The following ASB13 variants were observed in gnomAD, a reference collection of about 807,000 sequenced individuals.
ASB13 encodes ankyrin repeat and SOCS box protein 13.
Under a neutral mutation model 28.8 loss-of-function variants are expected in ASB13, and 33 were observed. The ratio of observed to expected loss-of-function variants is 1.15; its 90% CI spans 0.87 to 1.53. The LOEUF is 1.53. Among genes scored for constraint, ASB13 ranks in the 40% most tolerant of loss-of-function variants. ASB13 has a pLI of 0.00. For missense variants in ASB13, 414 were observed against 390.1 expected, an observed-to-expected ratio of 1.06 and a Z score of -0.52; for synonymous variants, 182 against 172.9, an observed-to-expected ratio of 1.05 and a Z score of -0.41.
Position 5,653,064 on chromosome 10 carries a change from G to A in ASB13, c.44-14C>T. 2.0e-6 allele frequency: 3 copies of A among 1,534,042 alleles called. No individual in the cohort carries two copies. The highest frequency in any genetic ancestry group is 2.6e-6 in the Non-Finnish European group (3 of 1,136,394). On this transcript the variant is annotated splice_polypyrimidine_tract_variant and intron_variant, in intron 1 of 5. Coordinates refer to ENST00000357700, the MANE Select transcript of ASB13 (RefSeq NM_024701.4). ...CCACCCAGAAACCTGGAAAGGAAGG[G>A]GACCTCAGGCTAAGACCCTGCCACT...
intron 4 of ASB13, among the ~76,000 whole-genome samples, chr10:5,646,994 G>A (rs1564216185): frequency 1.3e-5 from 2 of 152,222 alleles, no homozygotes; most frequent in South Asian, 2.1e-4. Flanking sequence ...TACACAAAAC[G>A]AATCTTTTCC....
At position 5,649,211 on chromosome 10, in the gene ASB13, G is replaced by A. The variant is rs1834946488; in HGVS notation, c.383-107C>T. The A allele has an allele frequency of 1.4e-5, 21 of 1,501,012 alleles. No homozygotes were observed. The South Asian group carries it at 2.6e-4, about 18-fold the overall frequency. 93.0% of individuals were successfully genotyped at this position (1,501,012 alleles called of 1,614,324 possible). A position where few individuals can be genotyped will look rare whatever the true frequency, so the allele number is the denominator to read the frequency against. On this transcript the variant is annotated intron_variant, in intron 3 of 5. Transcript: ENST00000357700. This position sits in a 1 kb window ranked among gnomAD's most constrained non-coding sequence, Gnocchi z 6.4. ...CAGCCTCCATCCTTGGTGCAGGGCA[G>A]GGAAGCCAGGCAGGCCTGCGTCCCA...
rs147118970 is a variant in ASB13 at position 5,658,981 on chromosome 10, G to C, written c.44-5931C>G. Among the ~76,000 whole-genome samples, 649 of 152,302 alleles carry C rather than the reference G, an allele frequency of 4.3e-3. 3 individuals are homozygous for C. Among genetic ancestry groups the C allele is most frequent in the African/African-American group, 0.014 (590 of 41,562 alleles). On this transcript the variant is annotated intron_variant, in intron 1 of 5. Coordinates refer to ENST00000357700, the MANE Select transcript of ASB13 (RefSeq NM_024701.4). This position sits in a 1 kb window ranked among gnomAD's most constrained non-coding sequence, Gnocchi z 4.2. ...AGCCCCCAGCACCCACCACCACAGA[G>C]CAATGTGACTCAGCCCTGCAATGGC...
chr10:5,652,026 C>CACACACACACACA lies in ASB13; in HGVS notation c.232-664_232-663insTGTGTGTGTGTGT, dbSNP rs60821267. On this transcript the variant is annotated intron_variant, in intron 2 of 5. Transcript: ENST00000357700. The surrounding 1 kb of genome is among the most constrained non-coding windows in gnomAD (Gnocchi z 5.0). ...CAAAAAAAAAAAAAAAAAAAAAAAACCACACACACACACACACACACACAC... is the reference window on the plus strand; with the variant it reads ...CAAAAAAAAAAAAAAAAAAAAAAAACACACACACACACACACACACACACACACACACACACAC... Among the ~76,000 whole-genome samples the CACACACACACACA allele has an allele frequency of 5.8e-4, 34 of 59,100 alleles. No individual in the cohort carries two copies. The highest frequency in any genetic ancestry group is 2.4e-3 in the African/African-American group (33 of 13,912). The allele number at this position is 59,100 out of a possible 152,430, so 38.8% of individuals were successfully genotyped here. A position where few individuals can be genotyped will look rare whatever the true frequency, so the allele number is the denominator to read the frequency against.
rs1003426885 is a variant in ASB13 at position 5,640,730 on chromosome 10, C to T, written c.810G>A (p.Arg270=). 3 of 1,614,124 alleles carry T rather than the reference C, an allele frequency of 1.9e-6. No individual in the cohort carries two copies. The highest frequency in any genetic ancestry group is 2.5e-6 in the Non-Finnish European group (3 of 1,180,020). ...EKIAKLNIPP[R]LIDYLSYN ...AGTTGTAGGAGAGGTAATCAATGAG[C>T]CGGGGCGGGATGTTTAACTTGGCAA... Residue 270 remains arginine (R), a synonymous_variant, in exon 6 of 6, where the codon CGG becomes CGA. Coordinates refer to ENST00000357700, the MANE Select transcript of ASB13 (RefSeq NM_024701.4).
intron 1 of ASB13, 42 bp from the exon 2 acceptor site, chr10:5,653,092 C>T (rs1389632010): frequency 1.5e-5 from 23 of 1,494,478 alleles, no homozygotes; most frequent in Non-Finnish European, 2.0e-5. Context: ...CTGCCACTTC[C>T]ATCCAGGACA....
rs1196682239 is a variant in ASB13 at position 5,650,198 on chromosome 10, C to A, written c.382+1015G>T. ...GAAACCATCCCACTCCACCAGCCTA[C>A]TCTGAGCACTGGGCACCTTGATCTC... On this transcript the variant is annotated intron_variant, in intron 3 of 5. Coordinates refer to ENST00000357700, the MANE Select transcript of ASB13 (RefSeq NM_024701.4). This position sits in a 1 kb window ranked among gnomAD's most constrained non-coding sequence, Gnocchi z 6.0. 6.6e-6 allele frequency among the ~76,000 whole-genome samples: 1 copy of A among 152,208 alleles called. No individual in the cohort carries two copies.
chr10:5,653,716 C>T (rs1203516610), intron 1 of ASB13, among the ~76,000 whole-genome samples: 5 of 152,102 alleles, frequency 3.3e-5, no homozygotes, highest in African/African-American at 1.2e-4. Context: ...GAGTCTCGCT[C>T]TGTCACCCAG....
At position 5,658,307 on chromosome 10, in the gene ASB13, T is replaced by C. The variant is rs1490715189; in HGVS notation, c.44-5257A>G. Among the ~76,000 whole-genome samples, 2 of 152,016 alleles carry C rather than the reference T, an allele frequency of 1.3e-5. No homozygotes were observed. The highest frequency in any genetic ancestry group is 4.8e-5 in the African/African-American group (2 of 41,364). ...TTAGCTGGGCATGGTGGCCCATGCC[T>C]ATAATCCCAGCTACTATGGAGGCTA... On this transcript the variant is annotated intron_variant, in intron 1 of 5. Coordinates refer to ENST00000357700, the MANE Select transcript of ASB13 (RefSeq NM_024701.4). This position sits in a 1 kb window ranked among gnomAD's most constrained non-coding sequence, Gnocchi z 4.2.
chr10:5,649,002 TG>T lies in ASB13; in HGVS notation c.484del (p.His162IlefsTer15). The T allele has an allele frequency of 1.2e-6, 2 of 1,614,178 alleles. No individual in the cohort carries two copies. Among genetic ancestry groups the T allele is most frequent in the Non-Finnish European group, 1.7e-6 (2 of 1,180,040 alleles). ...GAGCAGCACTTTGACACAGTCCAGATGCTCCCGGGCACAGGCAACGTGCAGA... is the reference window on the plus strand; with the variant it reads ...GAGCAGCACTTTGACACAGTCCAGATCTCCCGGGCACAGGCAACGTGCAGA... ...TPLHVACARE[H>X]LDCVKVLLNA... is the part of the protein sequence containing the mutation. On this transcript the variant is annotated frameshift_variant, in exon 4 of 6. Coordinates refer to ENST00000357700, the MANE Select transcript of ASB13 (RefSeq NM_024701.4). LOFTEE classifies it high-confidence loss of function. The surrounding 1 kb of genome is among the most constrained non-coding windows in gnomAD (Gnocchi z 6.4).
chr10:5,641,015 C>T lies in ASB13; in HGVS notation c.710-185G>A, dbSNP rs531005815. 2.0e-5 allele frequency among the ~76,000 whole-genome samples: 3 copies of T among 152,224 alleles called. No individual in the cohort carries two copies. The highest frequency in any genetic ancestry group is 1.9e-4 in the East Asian group (1 of 5,172). On this transcript the variant is annotated intron_variant, in intron 5 of 5. Transcript: ENST00000357700. The surrounding 1 kb of genome is among the most constrained non-coding windows in gnomAD (Gnocchi z 8.4). ...GGAAGGGAGCCCAGGAAATGAAGTT[C>T]GGGGCATGATGTCCACTGGGATTGC...
chr10:5,653,999 T>G (rs1835031999), intron 1 of ASB13, among the ~76,000 whole-genome samples: 1 of 151,808 alleles, frequency 6.6e-6, no homozygotes, highest in Non-Finnish European at 1.5e-5. Flanking sequence ...TTCTTTTCCT[T>G]GTTGAATTGC....
Position 5,660,574 on chromosome 10 carries a change from C to T in ASB13, c.43+5935G>A, listed in dbSNP as rs567002011. ...CTTACCCTCTCCAAACCTCGGCCTC[C>T]TCTCTCCTCAAATGGGTGCTGTGAA... On this transcript the variant is annotated intron_variant, in intron 1 of 5. Coordinates refer to ENST00000357700, the MANE Select transcript of ASB13 (RefSeq NM_024701.4). The surrounding 1 kb of genome is among the most constrained non-coding windows in gnomAD (Gnocchi z 6.1). Among the ~76,000 whole-genome samples the T allele has an allele frequency of 1.3e-5, 2 of 152,332 alleles. No individual in the cohort carries two copies. The highest frequency in any genetic ancestry group is 4.8e-5 in the African/African-American group (2 of 41,570).
In ASB13 at chr10:5,660,031, A is replaced by C. The variant is rs1835134957; in HGVS notation, c.43+6478T>G. The stretch of plus-strand genomic sequence containing the variant: ...CTGCAGCCCTGGTGACTCATGACCC[A>C]GTCCTGATGGCTGGATTCTACCCAC... On this transcript the variant is annotated intron_variant, in intron 1 of 5. Transcript: ENST00000357700. The surrounding 1 kb of genome is among the most constrained non-coding windows in gnomAD (Gnocchi z 6.1). Among the ~76,000 whole-genome samples, 1 of 152,146 alleles carries C rather than the reference A, an allele frequency of 6.6e-6. No individual in the cohort carries two copies. The highest frequency in any genetic ancestry group is 2.1e-4 in the South Asian group (1 of 4,828).
rs900317475 is a variant in ASB13 at position 5,652,480 on chromosome 10, T to C, written c.231+383A>G. ...ACACAGTTTTGTTTTTGTTCCTTTT[T>C]TCAGAGAGCTGGCTGGCCAGCATCC... On this transcript the variant is annotated intron_variant, in intron 2 of 5. Coordinates refer to ENST00000357700, the MANE Select transcript of ASB13 (RefSeq NM_024701.4). The surrounding 1 kb of genome is among the most constrained non-coding windows in gnomAD (Gnocchi z 5.0). 2.0e-5 allele frequency among the ~76,000 whole-genome samples: 3 copies of C among 152,324 alleles called. No individual in the cohort carries two copies. Among genetic ancestry groups the C allele is most frequent in the South Asian group, 4.1e-4 (2 of 4,828 alleles).
In ASB13 at chr10:5,656,867, GC is replaced by G. The variant is rs1025949647; in HGVS notation, c.44-3818del. ...ATCCCAACAGCCTCTTTTTCCCACT[GC>G]CCTTAACATAATTAAGAACCCGAAA... On this transcript the variant is annotated intron_variant, in intron 1 of 5. Coordinates refer to ENST00000357700, the MANE Select transcript of ASB13 (RefSeq NM_024701.4). The surrounding 1 kb of genome is among the most constrained non-coding windows in gnomAD (Gnocchi z 4.3). Among the ~76,000 whole-genome samples the G allele has an allele frequency of 6.6e-6, 1 of 152,074 alleles. No homozygotes were observed. The highest frequency in any genetic ancestry group is 2.4e-5 in the African/African-American group (1 of 41,402).
Position 5,659,322 on chromosome 10 carries a change from C to T in ASB13, c.44-6272G>A, listed in dbSNP as rs1000020756. ...CTGCTGCCACATAATAGGTTGCCCCCTCCCTAATGCAGATGATTGACAAGC... is the reference window on the plus strand; with the variant it reads ...CTGCTGCCACATAATAGGTTGCCCCTTCCCTAATGCAGATGATTGACAAGC... On this transcript the variant is annotated intron_variant, in intron 1 of 5. Coordinates refer to ENST00000357700, the MANE Select transcript of ASB13 (RefSeq NM_024701.4). This position sits in a 1 kb window ranked among gnomAD's most constrained non-coding sequence, Gnocchi z 5.8. Among the ~76,000 whole-genome samples, 1 of 152,192 alleles carries T rather than the reference C, an allele frequency of 6.6e-6. No homozygotes were observed. Among genetic ancestry groups the T allele is most frequent in the African/African-American group, 2.4e-5 (1 of 41,450 alleles).
rs183788527 is a variant in ASB13 at position 5,645,304 on chromosome 10, A to T, written c.518-3343T>A. On this transcript the variant is annotated intron_variant, in intron 4 of 5. Transcript: ENST00000357700. The surrounding 1 kb of genome is among the most constrained non-coding windows in gnomAD (Gnocchi z 5.4). ...TTTTTAAAAATTAAACAACAATTTT[A>T]AAAAAATTTTTTAAATTGTGCCAGG... Among the ~76,000 whole-genome samples, 55 of 152,268 alleles carry T rather than the reference A, an allele frequency of 3.6e-4. 1 individual carries two copies. The East Asian group carries it at 6.4e-3, about 18-fold the overall frequency.
Position 5,656,422 on chromosome 10 carries a change from C to A in ASB13, c.44-3372G>T, listed in dbSNP as rs1419820577. 1.3e-5 allele frequency among the ~76,000 whole-genome samples: 2 copies of A among 152,026 alleles called. No individual in the cohort carries two copies. Among genetic ancestry groups the A allele is most frequent in the African/African-American group, 4.8e-5 (2 of 41,380 alleles). ...GCCGTGGTGGCACGTGCCTGTAATC[C>A]CAGCTACTCAGGAGGCGGAGGCAGC... On this transcript the variant is annotated intron_variant, in intron 1 of 5. Coordinates refer to ENST00000357700, the MANE Select transcript of ASB13 (RefSeq NM_024701.4). The surrounding 1 kb of genome is among the most constrained non-coding windows in gnomAD (Gnocchi z 4.3).
Sources: allele counts gnomAD v4.1 joint callset (sites outside exome capture counted in the v4.1 genomes callset), GRCh38; gene constraint gnomAD v4.1.1; non-coding constraint Gnocchi (gnomAD v3.1); transcripts MANE v1.5; gene names NCBI Gene and HGNC (gene_info 2026-07-23, HGNC 2026-07-21).